The following TBC1D14 variants were observed in gnomAD, a reference collection of about 807,000 sequenced individuals.
TBC1D14 encodes the protein TBC1 domain family member 14, also known as TBC1 domain family, member 14.
In TBC1D14, 26 loss-of-function variants were observed where a neutral mutation model predicts 79.0. The ratio of observed to expected loss-of-function variants is 0.33; its 90% CI spans 0.24 to 0.46. TBC1D14 has a LOEUF of 0.46. Ranked by LOEUF, TBC1D14 falls within the 20% of genes least tolerant of loss-of-function variation. The pLI is 1.00. For missense variants in TBC1D14, 769 were observed against 887.6 expected (o/e 0.87, Z 1.70); for synonymous variants, 394 against 349.9 (o/e 1.13, Z -1.40).
intron 8 of TBC1D14, among the ~76,000 whole-genome samples, chr4:7,005,828 G>A (rs1720139034): frequency 6.6e-6 from 1 of 152,192 alleles, no homozygotes. Context: ...CCTGGTGTCT[G>A]GGATTAGTTG....
At chr4:6,943,707 A>G (rs1004152232) in intron 2 of TBC1D14, among the ~76,000 whole-genome samples, 2 of 152,186 alleles carry the variant, frequency 1.3e-5, no homozygotes, top group South Asian at 4.1e-4. Flanking sequence ...TTGAGACCAC[A>G]CTAGCCCACT....
chr4:7,026,916 CAAA>C (rs890702675), intron 13 of TBC1D14, among the ~76,000 whole-genome samples: 2 of 150,838 alleles, frequency 1.3e-5, no homozygotes, highest in African/African-American at 4.9e-5. Flanking sequence ...AACAAACAAA[CAAA>C]AAAAACAGGT....
chr4:6,912,457 T>G (rs1159596937), intron 1 of TBC1D14, among the ~76,000 whole-genome samples: 3 of 152,114 alleles, frequency 2.0e-5, no homozygotes, highest in African/African-American at 7.2e-5. Flanking sequence ...GAATTCTTGA[T>G]TGTCCATCTG....
intron 11 of TBC1D14, 75 bp downstream of exon 11, chr4:7,010,856 C>A: frequency 1.3e-6 from 2 of 1,491,042 alleles, no homozygotes; most frequent in Non-Finnish European, 1.8e-6. Flanking sequence ...TCTGTGTTTT[C>A]GGTGGAAAAA....
At chr4:6,982,032 T>A (rs951329145) in intron 3 of TBC1D14, among the ~76,000 whole-genome samples, 1 of 152,218 alleles carries the variant, frequency 6.6e-6, no homozygotes, top group African/African-American at 2.4e-5. Flanking sequence ...TTGCTTGTGG[T>A]AATGCACAAT....
intron 2 of TBC1D14, among the ~76,000 whole-genome samples, chr4:6,946,619 C>T (rs1285448650): frequency 6.6e-5 from 10 of 152,146 alleles, no homozygotes; most frequent in Admixed American, 6.5e-4. Flanking sequence ...CCACATCCGG[C>T]CCCTTAGTGT....
chr4:6,931,061 C>T (rs1711676623), intron 2 of TBC1D14, among the ~76,000 whole-genome samples: 2 of 151,992 alleles, frequency 1.3e-5, no homozygotes, highest in African/African-American at 4.8e-5. Context: ...CTACCACACC[C>T]AGGTAAGTTT....
intron 3 of TBC1D14, among the ~76,000 whole-genome samples, chr4:6,971,878 CCA>C (rs1326781494): frequency 2.0e-5 from 3 of 152,224 alleles, no homozygotes; most frequent in Non-Finnish European, 4.4e-5. Flanking sequence ...GCCATCTTTG[CCA>C]CAGCAGGTTA....
chr4:6,943,963 C>T (rs1374406190), intron 2 of TBC1D14, among the ~76,000 whole-genome samples: 2 of 152,198 alleles, frequency 1.3e-5, no homozygotes, highest in African/African-American at 4.8e-5. Flanking sequence ...GGGTCACAGC[C>T]GTTTGGGTTT....
intron 9 of TBC1D14, chr4:7,007,459 G>A (rs890120383): frequency 5.8e-6 from 6 of 1,033,304 alleles, no homozygotes; most frequent in African/African-American, 3.3e-5. Context: ...GTTTTTGCGG[G>A]GGCAGTTGTT....
At chr4:7,010,105 G>C (rs1199259692) in intron 10 of TBC1D14, among the ~76,000 whole-genome samples, 157 bp downstream of exon 10, 4 of 152,194 alleles carry the variant, frequency 2.6e-5, no homozygotes, top group Non-Finnish European at 4.4e-5. Context: ...AGTTGACTCA[G>C]GTTCCTCTTA....
intron 2 of TBC1D14, among the ~76,000 whole-genome samples, chr4:6,938,036 C>G (rs1577061011): frequency 6.6e-6 from 1 of 152,072 alleles, no homozygotes; most frequent in African/African-American, 2.4e-5. Flanking sequence ...TCCACTCCTC[C>G]CGGGTGCTGG....
chr4:6,915,856 T>C (rs892069607), intron 1 of TBC1D14, among the ~76,000 whole-genome samples: 1 of 151,792 alleles, frequency 6.6e-6, no homozygotes, highest in Admixed American at 6.6e-5. Flanking sequence ...GGCTCACGCC[T>C]GTAGTCCCAG....
intron 3 of TBC1D14, among the ~76,000 whole-genome samples, chr4:6,984,295 A>G (rs370815900): frequency 6.6e-6 from 1 of 152,136 alleles, no homozygotes; most frequent in Non-Finnish European, 1.5e-5. Flanking sequence ...GTGAAGTACA[A>G]TGCAGCATGG....
chr4:7,020,987 T>C (rs1332070533), intron 12 of TBC1D14, among the ~76,000 whole-genome samples: 2 of 152,226 alleles, frequency 1.3e-5, no homozygotes, highest in Non-Finnish European at 2.9e-5. Context: ...ACGAGCACTT[T>C]CTGTTGTGTG....
At chr4:7,010,066 GAA>G (rs766778187) in intron 10 of TBC1D14, 118 bp downstream of exon 10, 21 of 1,137,224 alleles carry the variant, frequency 1.8e-5, no homozygotes, top group Non-Finnish European at 2.8e-5. Flanking sequence ...CGAGGAGTAT[GAA>G]AAGTCTCGTG....
chr4:6,957,409 A>C (rs985993485), intron 2 of TBC1D14, among the ~76,000 whole-genome samples: 6 of 152,278 alleles, frequency 3.9e-5, no homozygotes, highest in Non-Finnish European at 5.9e-5. Flanking sequence ...ATTTAGGTAA[A>C]GAAATACTTG....
At chr4:6,928,106 T>G (rs531194840) in intron 2 of TBC1D14, among the ~76,000 whole-genome samples, 48 of 152,350 alleles carry the variant, frequency 3.2e-4, no homozygotes, top group Admixed American at 2.7e-3. Flanking sequence ...GTACATCGTC[T>G]CTTGTGTAGC....
intron 5 of TBC1D14, 194 bp from the exon 6 acceptor site, chr4:6,998,891 C>G (rs919757016): frequency 1.8e-6 from 1 of 569,104 alleles, no homozygotes; most frequent in African/African-American, 1.9e-5. Context: ...TTAGACTTTG[C>G]AAGCTTACTA....
Sources: allele counts gnomAD v4.1 joint callset (sites outside exome capture counted in the v4.1 genomes callset), GRCh38; gene constraint gnomAD v4.1.1; transcripts MANE v1.5; gene names NCBI Gene and HGNC (gene_info 2026-07-23, HGNC 2026-07-21).